ADAMTS12: variants seen among roughly 807,000 people sequenced by gnomAD.
The protein encoded by ADAMTS12 is ADAM metallopeptidase with thrombospondin type 1 motif 12.
ADAMTS12 carries 118 observed loss-of-function variants against 167.8 expected under a neutral mutation model. The ratio of observed to expected loss-of-function variants is 0.70; its 90% CI spans 0.61 to 0.82. The LOEUF (loss-of-function observed/expected upper bound fraction) is 0.82, where lower values mean the gene tolerates loss of function less well. Ranked by LOEUF, ADAMTS12 falls within the 40% of genes least tolerant of loss-of-function variation. The probability of loss-of-function intolerance (pLI) is 0.00; values close to 1 mark genes in which losing one functional copy is unlikely to be tolerated. For missense variants in ADAMTS12, 1,916 were observed against 1,998.8 expected (o/e 0.96, Z 0.79); for synonymous variants, 704 against 716.9 (o/e 0.98, Z 0.29).
intron 2 of ADAMTS12, among the ~76,000 whole-genome samples, chr5:33,821,214 A>G (rs1461848519): frequency 6.6e-6 from 1 of 152,178 alleles, no homozygotes; most frequent in African/African-American, 2.4e-5. Flanking sequence ...TACTACATTT[A>G]TATCTATAAT....
At position 33,682,927 on chromosome 5, in the gene ADAMTS12, C is replaced by G. The variant is rs955440544; in HGVS notation, c.915+91G>C. On this transcript the variant is annotated intron_variant, in intron 5 of 23. Transcript: ENST00000504830. ...TGGGCTTCCAAACACTTTCTGGTACCCTCTTTCTTGTCTACCAAGAACTCC... is the reference window on the plus strand; with the variant it reads ...TGGGCTTCCAAACACTTTCTGGTACGCTCTTTCTTGTCTACCAAGAACTCC... The G allele has an allele frequency of 4.0e-6, 4 of 1,006,610 alleles. No individual in the cohort carries two copies. The African/African-American group carries it at 6.6e-5, about 16-fold the overall frequency. 62.4% of individuals were successfully genotyped at this position (1,006,610 alleles called of 1,614,324 possible). A position where few individuals can be genotyped will look rare whatever the true frequency, so the allele number is the denominator to read the frequency against.
chr5:33,815,073 G>T (rs1440917045), intron 2 of ADAMTS12, among the ~76,000 whole-genome samples: 2 of 152,132 alleles, frequency 1.3e-5, no homozygotes, highest in African/African-American at 2.4e-5. Flanking sequence ...GTTAAATATG[G>T]AAGAAATAAC....
At position 33,622,293 on chromosome 5, in the gene ADAMTS12, A is replaced by G. The variant is rs576347420; in HGVS notation, c.2143+1938T>C. On this transcript the variant is annotated intron_variant, in intron 14 of 23. Coordinates refer to ENST00000504830, the MANE Select transcript of ADAMTS12 (RefSeq NM_030955.4). ...CTGGGGACAACAACTCTGGTTTTCA[A>G]TTGAGTTATCATAATATTAGAAGAA... Among the ~76,000 whole-genome samples the G allele has an allele frequency of 1.7e-4, 26 of 152,284 alleles. No individual in the cohort carries two copies. In the South Asian group the frequency reaches 4.8e-3, roughly 28 times the overall value.
At chr5:33,806,826 T>C (rs1747255221) in intron 2 of ADAMTS12, among the ~76,000 whole-genome samples, 1 of 152,160 alleles carries the variant, frequency 6.6e-6, no homozygotes, top group Admixed American at 6.5e-5. Context: ...CTTTGAAGTT[T>C]CTCCTGACGA....
At chr5:33,577,740 A>G (rs571427320) in intron 18 of ADAMTS12, among the ~76,000 whole-genome samples, 115 of 152,080 alleles carry the variant, frequency 7.6e-4, no homozygotes, top group African/African-American at 2.5e-3. Flanking sequence ...TAGATCCAAG[A>G]CCTACTCTAA....
chr5:33,536,732 C>T (rs948711991), intron 22 of ADAMTS12, among the ~76,000 whole-genome samples: 1 of 152,180 alleles, frequency 6.6e-6, no homozygotes, highest in Admixed American at 6.5e-5. Context: ...CAACCCAAGT[C>T]CACCCCCGAT....
intron 2 of ADAMTS12, among the ~76,000 whole-genome samples, chr5:33,805,962 C>T (rs1747212720): frequency 1.3e-5 from 2 of 151,450 alleles, no homozygotes; most frequent in Admixed American, 1.3e-4. Flanking sequence ...ACATAAATTG[C>T]AGAACACTTA....
At chr5:33,564,915 T>C (rs544153538) in intron 19 of ADAMTS12, among the ~76,000 whole-genome samples, 2 of 152,208 alleles carry the variant, frequency 1.3e-5, no homozygotes, top group Non-Finnish European at 2.9e-5. Context: ...GATGAGGTGA[T>C]ACTGACTTGA....
chr5:33,706,363 T>C (rs1743199892), intron 3 of ADAMTS12, among the ~76,000 whole-genome samples: 1 of 152,228 alleles, frequency 6.6e-6, no homozygotes, highest in Non-Finnish European at 1.5e-5. Flanking sequence ...GAACTTATTT[T>C]ATGACTCTGA....
chr5:33,540,410 TCTG>T (rs1744635846), intron 22 of ADAMTS12, among the ~76,000 whole-genome samples: 1 of 152,228 alleles, frequency 6.6e-6, no homozygotes, highest in Non-Finnish European at 1.5e-5. Context: ...GCAGACAACT[TCTG>T]CAGACTTAAA....
chr5:33,877,635 A>C (rs970297403), intron 2 of ADAMTS12, among the ~76,000 whole-genome samples: 4 of 152,184 alleles, frequency 2.6e-5, no homozygotes, highest in Non-Finnish European at 5.9e-5. Flanking sequence ...GGGTAGTGAA[A>C]ACGGTGGAGA....
intron 17 of ADAMTS12, among the ~76,000 whole-genome samples, chr5:33,595,455 C>T (rs947883418): frequency 1.3e-5 from 2 of 152,168 alleles, no homozygotes; most frequent in African/African-American, 4.8e-5. Flanking sequence ...CAGCCCCCCA[C>T]AACAAAGAGT....
chr5:33,667,281 G>A (rs4242085), intron 5 of ADAMTS12, among the ~76,000 whole-genome samples: 123,431 of 144,338 alleles, frequency 0.86, 53,734 homozygotes, highest in Non-Finnish European at 0.94. Context: ...TCACGTCACT[G>A]CACTCCAGCC....
intron 5 of ADAMTS12, among the ~76,000 whole-genome samples, chr5:33,663,686 T>C (rs1336341133): frequency 6.6e-6 from 1 of 152,188 alleles, no homozygotes; most frequent in East Asian, 1.9e-4. Context: ...TAGATAAAAC[T>C]TGGAGTTGCA....
At position 33,527,390 on chromosome 5, in the gene ADAMTS12, G is replaced by A. The variant is rs1315186295; in HGVS notation, c.4607-24C>T. 6.9e-6 allele frequency: 11 copies of A among 1,605,128 alleles called. No individual in the cohort carries two copies. In the Admixed American group the frequency reaches 6.9e-5, roughly 10 times the overall value. On this transcript the variant is annotated intron_variant, in intron 23 of 23. Coordinates refer to ENST00000504830, the MANE Select transcript of ADAMTS12 (RefSeq NM_030955.4). ...ATCTGTGGAAGGAGAAAAAGAATAAGAAAAAAGTCCAAAGATTATCCTTTG... is the reference window on the plus strand; with the variant it reads ...ATCTGTGGAAGGAGAAAAAGAATAAAAAAAAAGTCCAAAGATTATCCTTTG...
intron 3 of ADAMTS12, among the ~76,000 whole-genome samples, chr5:33,743,929 A>T (rs905368257): frequency 2.6e-4 from 40 of 152,302 alleles, no homozygotes; most frequent in African/African-American, 9.6e-4. Flanking sequence ...GCTGGTTTGC[A>T]GGCCATTCAG....
chr5:33,762,704 G>A (rs1005043437), intron 2 of ADAMTS12, among the ~76,000 whole-genome samples: 1 of 152,084 alleles, frequency 6.6e-6, no homozygotes, highest in Admixed American at 6.6e-5. Flanking sequence ...CTTCCCTGGA[G>A]CATGATAGGA....
intron 19 of ADAMTS12, among the ~76,000 whole-genome samples, chr5:33,561,877 G>T (rs1042344145): frequency 1.1e-4 from 16 of 152,160 alleles, no homozygotes; most frequent in African/African-American, 3.6e-4. Context: ...TGGATGTCAG[G>T]TCCAGGTGTC....
intron 2 of ADAMTS12, among the ~76,000 whole-genome samples, chr5:33,858,602 G>A (rs551563417): frequency 6.7e-6 from 1 of 148,676 alleles, no homozygotes; most frequent in South Asian, 2.1e-4. Flanking sequence ...AGGCTGCAGT[G>A]AGCCAAGATT....
Sources: gnomAD v4.1 joint callset for allele counts (sites outside exome capture counted in the v4.1 genomes callset) on GRCh38, gnomAD v4.1.1 for gene constraint, MANE v1.5 for transcripts, NCBI Gene and HGNC (gene_info 2026-07-23, HGNC 2026-07-21) for gene names.